POFUT3: variants seen among roughly 807,000 people sequenced by gnomAD.
The protein encoded by POFUT3 is GDP-fucose protein O-fucosyltransferase 3.
the POFUT3 span, among the ~76,000 whole-genome samples, chr8:33,360,114 C>T: frequency 6.6e-6 from 1 of 152,020 alleles, no homozygotes; most frequent in Non-Finnish European, 1.5e-5. Context: ...ATGACAGAAT[C>T]CAGCAAAGTA....
the POFUT3 span, among the ~76,000 whole-genome samples, chr8:33,316,056 G>C: frequency 6.6e-6 from 1 of 152,118 alleles, no homozygotes; most frequent in Non-Finnish European, 1.5e-5. Context: ...TGGAAACATA[G>C]CAAGTGCTAA....
At chr8:33,407,987 CAA>C in the POFUT3 span, among the ~76,000 whole-genome samples, 30,274 of 82,694 alleles carry the variant, frequency 0.37, 3,101 homozygotes, top group South Asian at 0.5. Context: ...GACTCCATCT[CAA>C]AAAAAAAAAA....
the POFUT3 span, among the ~76,000 whole-genome samples, chr8:33,375,240 G>A: frequency 6.6e-6 from 1 of 152,006 alleles, no homozygotes; most frequent in East Asian, 1.9e-4. Flanking sequence ...TTCTCAGGAA[G>A]CGACTGGAGA....
At chr8:33,341,434 CAA>C in the POFUT3 span, among the ~76,000 whole-genome samples, 9 of 52,372 alleles carry the variant, frequency 1.7e-4, no homozygotes, top group Admixed American at 4.3e-4. Flanking sequence ...GACTCCATCT[CAA>C]AAAAAAAAAA....
chr8:33,329,001 A>G, the POFUT3 span, among the ~76,000 whole-genome samples: 1 of 152,180 alleles, frequency 6.6e-6, no homozygotes, highest in African/African-American at 2.4e-5. Flanking sequence ...ACATTTAGGT[A>G]TTTTATGTAA....
At chr8:33,398,292 C>A in the POFUT3 span, among the ~76,000 whole-genome samples, 1 of 152,170 alleles carries the variant, frequency 6.6e-6, no homozygotes, top group Non-Finnish European at 1.5e-5. Context: ...TAACATGGAA[C>A]ACCCACCGTT....
At chr8:33,400,657 T>G in the POFUT3 span, among the ~76,000 whole-genome samples, 1 of 152,222 alleles carries the variant, frequency 6.6e-6, no homozygotes, top group African/African-American at 2.4e-5. Flanking sequence ...CTTATAGATT[T>G]TTATTATTTA....
chr8:33,443,020 G>A, the POFUT3 span, among the ~76,000 whole-genome samples: 2 of 152,094 alleles, frequency 1.3e-5, no homozygotes, highest in African/African-American at 4.8e-5. Context: ...GGCTGAGATG[G>A]GGGGATCAGT....
the POFUT3 span, among the ~76,000 whole-genome samples, chr8:33,317,276 A>T: frequency 6.6e-6 from 1 of 152,288 alleles, no homozygotes; most frequent in Middle Eastern, 3.4e-3. Flanking sequence ...AATACTGTCC[A>T]CTGGCACATC....
the POFUT3 span, among the ~76,000 whole-genome samples, chr8:33,312,612 G>A: frequency 6.6e-6 from 1 of 152,010 alleles, no homozygotes; most frequent in African/African-American, 2.4e-5. Flanking sequence ...CCAGATTAAG[G>A]AAGCTCATAA....
the POFUT3 span, among the ~76,000 whole-genome samples, chr8:33,362,525 C>A: frequency 4.6e-5 from 7 of 151,974 alleles, no homozygotes; most frequent in African/African-American, 1.5e-4. Flanking sequence ...GGAGACCCGT[C>A]TCACGTGCAA....
the POFUT3 span, among the ~76,000 whole-genome samples, chr8:33,458,500 A>G: frequency 6.6e-6 from 1 of 152,130 alleles, no homozygotes; most frequent in Non-Finnish European, 1.5e-5. Context: ...GAATCACTTG[A>G]GGTCAGGAGT....
At chr8:33,465,523 C>T in the POFUT3 span, among the ~76,000 whole-genome samples, 14 of 151,938 alleles carry the variant, frequency 9.2e-5, no homozygotes, top group African/African-American at 3.4e-4. Flanking sequence ...AGTGCAGTGG[C>T]GCAATCTCGG....
At chr8:33,348,222 A>T in the POFUT3 span, among the ~76,000 whole-genome samples, 1 of 152,014 alleles carries the variant, frequency 6.6e-6, no homozygotes, top group Non-Finnish European at 1.5e-5. Flanking sequence ...GTTATTGCAG[A>T]TGAATGCTAC....
the POFUT3 span, among the ~76,000 whole-genome samples, chr8:33,450,386 A>G: frequency 6.6e-6 from 1 of 152,262 alleles, no homozygotes; most frequent in Admixed American, 6.5e-5. Context: ...CAAGATAATA[A>G]TCTTTGACAT....
At chr8:33,309,777 T>C in the POFUT3 span, among the ~76,000 whole-genome samples, 1 of 152,162 alleles carries the variant, frequency 6.6e-6, no homozygotes, top group Non-Finnish European at 1.5e-5. Context: ...CAATTGTGGA[T>C]AAAAACATTT....
the POFUT3 span, among the ~76,000 whole-genome samples, chr8:33,360,471 AAAAT>A: frequency 6.6e-6 from 1 of 150,644 alleles, no homozygotes; most frequent in South Asian, 2.1e-4. Flanking sequence ...AAATAAAAAT[AAAAT>A]AAATAAATAA....
the POFUT3 span, among the ~76,000 whole-genome samples, chr8:33,428,841 T>A: frequency 6.6e-6 from 1 of 152,200 alleles, no homozygotes; most frequent in African/African-American, 2.4e-5. Flanking sequence ...TGATGATCCC[T>A]CCATCTTAGA....
At chr8:33,452,568 G>A in the POFUT3 span, 3 of 146,526 alleles carry the variant, frequency 2.0e-5, no homozygotes, top group South Asian at 2.1e-4. Context: ...CACGGTCAAC[G>A]TTTAAAACAT....
Sources: allele counts gnomAD v4.1 joint callset (sites outside exome capture counted in the v4.1 genomes callset), GRCh38; gene constraint gnomAD v4.1.1; transcripts MANE v1.5; gene names NCBI Gene and HGNC (gene_info 2026-07-23, HGNC 2026-07-21).